LRBA: variants seen among roughly 807,000 people sequenced by gnomAD.
LRBA encodes the protein lipopolysaccharide-responsive and beige-like anchor protein.
Under a neutral mutation model 330.0 loss-of-function variants are expected in LRBA, and 176 were observed. The ratio of observed to expected loss-of-function variants is 0.53; its 90% CI spans 0.47 to 0.60. LRBA has a LOEUF of 0.60. Ranked by LOEUF, LRBA falls within the 20% of genes least tolerant of loss-of-function variation. The pLI is 0.00. For missense variants in LRBA, 3,259 were observed against 3,444.8 expected (o/e 0.95, Z 1.35); for synonymous variants, 1,230 against 1,193.0 (o/e 1.03, Z -0.64).
intron 30 of LRBA, among the ~76,000 whole-genome samples, chr4:150,820,768 C>T (rs993575957): frequency 1.2e-4 from 19 of 152,070 alleles, no homozygotes; most frequent in African/African-American, 2.2e-4. Flanking sequence ...GTCATTATTA[C>T]TATAAAGTTT....
intron 24 of LRBA, among the ~76,000 whole-genome samples, chr4:150,850,294 C>T (rs1232694251): frequency 6.6e-6 from 1 of 151,998 alleles, no homozygotes; most frequent in Non-Finnish European, 1.5e-5. Flanking sequence ...CAGGGTTTCA[C>T]CGTGTTAGCC....
chr4:150,278,053 C>T lies in LRBA; in HGVS notation c.8317-49G>A, dbSNP rs554047786. 20 of 1,566,786 alleles carry T rather than the reference C, an allele frequency of 1.3e-5. 1 individual carries two copies. In the South Asian group the frequency reaches 1.3e-4, roughly 11 times the overall value. ...TAGAAATGTGGTTCTAGGAAACTTTCGGCCCCCACCCTGTTTTTGAGTCAT... is the reference window on the plus strand; with the variant it reads ...TAGAAATGTGGTTCTAGGAAACTTTTGGCCCCCACCCTGTTTTTGAGTCAT... On this transcript the variant is annotated intron_variant, in intron 55 of 56. Coordinates refer to ENST00000651943, the MANE Select transcript of LRBA (RefSeq NM_001364905.1).
At chr4:150,971,321 T>C (rs1296356036) in intron 2 of LRBA, among the ~76,000 whole-genome samples, 1 of 152,192 alleles carries the variant, frequency 6.6e-6, no homozygotes, top group Non-Finnish European at 1.5e-5. Context: ...ACAACAAAGA[T>C]AAGGCAATCA....
intron 47 of LRBA, among the ~76,000 whole-genome samples, chr4:150,353,138 T>C (rs889717416): frequency 3.3e-5 from 5 of 152,094 alleles, no homozygotes; most frequent in African/African-American, 1.2e-4. Context: ...AGCTCTACTA[T>C]AATAGATTAG....
chr4:150,454,704 A>G (rs1255884391), intron 44 of LRBA, among the ~76,000 whole-genome samples: 1 of 152,054 alleles, frequency 6.6e-6, no homozygotes, highest in Non-Finnish European at 1.5e-5. Context: ...AGTGTACCAT[A>G]GGTGATCTTT....
At chr4:150,449,494 A>G (rs914367145) in intron 44 of LRBA, among the ~76,000 whole-genome samples, 5 of 150,710 alleles carry the variant, frequency 3.3e-5, no homozygotes, top group South Asian at 4.3e-4. Context: ...CCTGGCACTG[A>G]GTTACCAACA....
chr4:150,351,077 A>G (rs1353177146), intron 47 of LRBA, among the ~76,000 whole-genome samples: 2 of 152,158 alleles, frequency 1.3e-5, no homozygotes, highest in East Asian at 3.9e-4. Context: ...TCCAATAAAT[A>G]ACGAATGAAC....
intron 37 of LRBA, among the ~76,000 whole-genome samples, chr4:150,671,435 A>G (rs1030666867): frequency 6.6e-6 from 1 of 152,150 alleles, no homozygotes; most frequent in Admixed American, 6.5e-5. Context: ...TGATTGCCTC[A>G]GATATACCCA....
At chr4:150,491,850 G>T (rs1476299626) in intron 40 of LRBA, among the ~76,000 whole-genome samples, 1 of 152,102 alleles carries the variant, frequency 6.6e-6, no homozygotes. Flanking sequence ...GGGAAAACCA[G>T]ACTCAGCATT....
intron 28 of LRBA, among the ~76,000 whole-genome samples, chr4:150,842,526 A>G (rs1291140642): frequency 2.6e-5 from 4 of 152,216 alleles, no homozygotes; most frequent in South Asian, 2.1e-4. Context: ...AACCTGCCCA[A>G]TGGAAAAAAA....
intron 40 of LRBA, among the ~76,000 whole-genome samples, chr4:150,502,094 G>T (rs1304886681): frequency 1.3e-5 from 2 of 152,212 alleles, no homozygotes; most frequent in Non-Finnish European, 2.9e-5. Flanking sequence ...GAGCTCCAGA[G>T]ATCTGCAGCC....
Position 150,467,675 on chromosome 4 carries a change from T to G in LRBA, c.6778A>C (p.Lys2260Gln). Reference protein sequence around the residue: ...TLPTNFRDLSKPIGALNPKRA... With the variant: ...TLPTNFRDLSQPIGALNPKRA... ...TCACATCATTACTGAGAAATTACCT[T>G]GGACAAATCTCTGAAGTTGGTGGGC... The change falls in exon 44 of 57, where the codon AAG becomes CAG. Residue 2260 changes from lysine to glutamine, a missense_variant and splice_region_variant. Lys to Gln is a moderately conservative substitution (Grantham distance 53). Coordinates refer to ENST00000651943, the MANE Select transcript of LRBA (RefSeq NM_001364905.1). 1 of 1,547,960 alleles carries G rather than the reference T, an allele frequency of 6.5e-7. No individual in the cohort carries two copies. Among genetic ancestry groups the G allele is most frequent in the Non-Finnish European group, 8.9e-7 (1 of 1,123,824 alleles).
chr4:150,655,393 G>T (rs1211363459), intron 37 of LRBA, among the ~76,000 whole-genome samples: 2 of 152,022 alleles, frequency 1.3e-5, no homozygotes, highest in Non-Finnish European at 2.9e-5. Context: ...ATCCTTTTTA[G>T]ACTTTTGCTA....
chr4:150,952,304 A>G (rs1169948579), intron 2 of LRBA, among the ~76,000 whole-genome samples: 2 of 152,148 alleles, frequency 1.3e-5, no homozygotes, highest in Admixed American at 1.3e-4. Context: ...ATAGGTAGAG[A>G]CAAATGAAGA....
At chr4:150,765,924 C>T (rs547495755) in intron 34 of LRBA, among the ~76,000 whole-genome samples, 4 of 152,134 alleles carry the variant, frequency 2.6e-5, no homozygotes, top group Non-Finnish European at 5.9e-5. Flanking sequence ...AACTTAACCA[C>T]ACTAAAAATT....
intron 37 of LRBA, among the ~76,000 whole-genome samples, chr4:150,625,235 C>T (rs1258619677): frequency 6.6e-6 from 1 of 152,118 alleles, no homozygotes; most frequent in African/African-American, 2.4e-5. Context: ...CTTGATCCCC[C>T]ACAATCACCT....
In LRBA at chr4:150,622,688, C is replaced by CTTTTTTTTTTTT. The variant is rs10528461; in HGVS notation, c.5922-23569_5922-23558dup. ...GAAGACAACAGTCACCTAAATCAAT[C>CTTTTTTTTTTTT]TTTTTTTTTTTTTTTTTTTTTTTTT... On this transcript the variant is annotated intron_variant, in intron 37 of 56. Coordinates refer to ENST00000651943, the MANE Select transcript of LRBA (RefSeq NM_001364905.1). Among the ~76,000 whole-genome samples the CTTTTTTTTTTTT allele has an allele frequency of 6.0e-4, 63 of 105,640 alleles. 8 individuals carry two copies. Among genetic ancestry groups the CTTTTTTTTTTTT allele is most frequent in the African/African-American group, 2.6e-3 (62 of 24,110 alleles). The allele number at this position is 105,640 out of a possible 152,430, so 69.3% of individuals were successfully genotyped here.
At chr4:150,509,112 ATATAAG>A (rs1172561278) in intron 40 of LRBA, among the ~76,000 whole-genome samples, 1 of 152,218 alleles carries the variant, frequency 6.6e-6, no homozygotes, top group African/African-American at 2.4e-5. Flanking sequence ...TTACCACAAG[ATATAAG>A]TATGTGAGTT....
At position 150,928,896 on chromosome 4, in the gene LRBA, G is replaced by A. The variant is rs1249361513; in HGVS notation, c.386C>T (p.Thr129Ile). ...CACTTTTTCAACAAGGCCTACTTCA[G>A]TGCAGACTTGAAGATTCCGTATGCT... ...KKSIRNLQVC[T>I]EVGLVEKVLG... Residue 129 changes from threonine (T) to isoleucine (I), a missense_variant, in exon 3 of 57, where the codon ACT becomes ATT. By Grantham distance (89) the Thr-to-Ile change is moderately conservative. Transcript: ENST00000651943. 1 of 1,613,952 alleles carries A rather than the reference G, an allele frequency of 6.2e-7. No individual in the cohort carries two copies. Among genetic ancestry groups the A allele is most frequent in the South Asian group, 1.1e-5 (1 of 91,068 alleles).
Sources: allele counts gnomAD v4.1 joint callset (sites outside exome capture counted in the v4.1 genomes callset), GRCh38; gene constraint gnomAD v4.1.1; transcripts MANE v1.5; gene names NCBI Gene and HGNC (gene_info 2026-07-23, HGNC 2026-07-21).